Variants in MSTO1 observed in about 807,000 individuals in gnomAD.
The protein encoded by MSTO1 is protein misato homolog 1.
Under a neutral mutation model 55.7 loss-of-function variants are expected in MSTO1, and 24 were observed. That is an observed-to-expected ratio of 0.43 (90% CI 0.31 to 0.61). MSTO1 has a LOEUF of 0.61. MSTO1 is among the 20% of genes least tolerant of loss of function. The pLI is 0.09. For synonymous variants in MSTO1, 162 were observed against 252.8 expected (o/e 0.64, Z 3.41); for missense variants, 363 against 625.7 (o/e 0.58, Z 4.48).
At chr1:155,589,171 A>G in the MSTO1 span, among the ~76,000 whole-genome samples, 195 of 152,014 alleles carry the variant, frequency 1.3e-3, 1 homozygote, top group African/African-American at 4.8e-4. Context: ...GGTGGCACAC[A>G]CCTGTAATCC....
chr1:155,606,197 C>CATTTTTTTTT (rs1558242399), upstream of MSTO1, among the ~76,000 whole-genome samples: 5 of 53,294 alleles, frequency 9.4e-5, no homozygotes, highest in African/African-American at 3.5e-4. Context: ...CCATGCCCAG[C>CATTTTTTTTT]CTTTTTTTTT....
At chr1:155,606,853 GAGAC>G (rs967592308), upstream of MSTO1, among the ~76,000 whole-genome samples, 8 of 150,862 alleles carry the variant, frequency 5.3e-5, no homozygotes, top group Non-Finnish European at 1.2e-4. Flanking sequence ...TTTATTTTTT[GAGAC>G]AGAGTCTCCA....
the MSTO1 span, among the ~76,000 whole-genome samples, chr1:155,575,559 C>T: frequency 1.3e-5 from 2 of 151,952 alleles, no homozygotes; most frequent in Non-Finnish European, 2.9e-5. Context: ...CCTCCCCGCT[C>T]AGCCCCCCAA....
the MSTO1 span, among the ~76,000 whole-genome samples, chr1:155,581,752 C>T: frequency 6.6e-6 from 1 of 151,540 alleles, no homozygotes; most frequent in African/African-American, 2.4e-5. Flanking sequence ...TTTTGGCTTC[C>T]TATTAGGCTG....
chr1:155,576,598 T>C, the MSTO1 span, among the ~76,000 whole-genome samples: 1 of 151,976 alleles, frequency 6.6e-6, no homozygotes, highest in African/African-American at 2.4e-5. Flanking sequence ...GTGCTGGGAT[T>C]ACAGGTGTGA....
At chr1:155,565,089 C>A in the MSTO1 span, among the ~76,000 whole-genome samples, 1 of 151,880 alleles carries the variant, frequency 6.6e-6, no homozygotes, top group Non-Finnish European at 1.5e-5. Context: ...CCACTGCACT[C>A]CAGCCTGGGC....
At chr1:155,590,634 C>T in the MSTO1 span, 1 of 1,400,362 alleles carries the variant, frequency 7.1e-7, no homozygotes, top group Non-Finnish European at 9.7e-7. Context: ...ACTCAGAGGT[C>T]CCCCGAGAGA....
the MSTO1 span, among the ~76,000 whole-genome samples, chr1:155,577,986 C>T: frequency 6.6e-6 from 1 of 152,168 alleles, no homozygotes; most frequent in Non-Finnish European, 1.5e-5. Context: ...TCAATTGATC[C>T]ACCCGCCTTG....
At chr1:155,581,301 C>T in the MSTO1 span, among the ~76,000 whole-genome samples, 4 of 152,012 alleles carry the variant, frequency 2.6e-5, 1 homozygote, top group South Asian at 8.3e-4. Context: ...TGGTTGGAAG[C>T]AGAACTCTTT....
At chr1:155,608,356 GA>G (rs1380880636), upstream of MSTO1, among the ~76,000 whole-genome samples, 3 of 152,154 alleles carry the variant, frequency 2.0e-5, no homozygotes, top group African/African-American at 7.2e-5. Flanking sequence ...AGGATAGGGG[GA>G]GGGGGAGTCT....
At chr1:155,563,309 A>T in the MSTO1 span, 1 of 455,914 alleles carries the variant, frequency 2.2e-6, no homozygotes, top group South Asian at 1.5e-5. Context: ...CCTAGTCAGG[A>T]GAACTAGTCC....
the MSTO1 span, among the ~76,000 whole-genome samples, chr1:155,601,290 C>T: frequency 4.0e-5 from 6 of 151,540 alleles, no homozygotes; most frequent in South Asian, 2.1e-4. Context: ...CCTGCCACCA[C>T]GCCCGGCTAT....
chr1:155,600,205 G>A, the MSTO1 span, among the ~76,000 whole-genome samples: 2 of 152,230 alleles, frequency 1.3e-5, no homozygotes, highest in South Asian at 4.1e-4. Flanking sequence ...GTCCCTGCGG[G>A]CTTCCGCAGT....
the MSTO1 span, chr1:155,563,796 T>C: frequency 7.7e-5 from 27 of 350,448 alleles, no homozygotes; most frequent in African/African-American, 5.6e-4. Flanking sequence ...TAAGATAATA[T>C]ATGTAAAGTG....
At chr1:155,580,395 C>T in the MSTO1 span, among the ~76,000 whole-genome samples, 9 of 151,882 alleles carry the variant, frequency 5.9e-5, no homozygotes, top group South Asian at 4.2e-4. Flanking sequence ...ATTAGCCAGG[C>T]GTGGTGGTGT....
chr1:155,611,888 G>T (rs1337144674), intron 6 of MSTO1, 61 bp downstream of exon 6: 1 of 710,660 alleles, frequency 1.4e-6, no homozygotes, highest in East Asian at 2.8e-5. Context: ...GCAGGATGAG[G>T]CTCTTGAGGC....
chr1:155,601,585 C>T, the MSTO1 span, among the ~76,000 whole-genome samples: 1 of 152,008 alleles, frequency 6.6e-6, no homozygotes, highest in East Asian at 1.9e-4. Flanking sequence ...GTGATCTCAC[C>T]ACTGCCTTCT....
chr1:155,574,071 A>G, the MSTO1 span, among the ~76,000 whole-genome samples: 1 of 152,078 alleles, frequency 6.6e-6, no homozygotes, highest in Admixed American at 6.6e-5. Flanking sequence ...AAAAGAAGAC[A>G]TTAGGCTGGG....
At chr1:155,568,024 GCGAAACCCTGTC>G in the MSTO1 span, among the ~76,000 whole-genome samples, 1 of 151,128 alleles carries the variant, frequency 6.6e-6, no homozygotes, top group Non-Finnish European at 1.5e-5. Flanking sequence ...GGCAACAAGA[GCGAAACCCTGTC>G]TGAACAAAAA....
Sources: gnomAD v4.1 joint callset for allele counts (sites outside exome capture counted in the v4.1 genomes callset) on GRCh38, gnomAD v4.1.1 for gene constraint, MANE v1.5 for transcripts, NCBI Gene and HGNC (gene_info 2026-07-23, HGNC 2026-07-21) for gene names.